Variants in TMEM168 observed in about 807,000 individuals in gnomAD.
TMEM168 encodes the protein transmembrane protein 168.
A neutral mutation model predicts 53.2 loss-of-function variants in TMEM168; 40 were observed. That is an observed-to-expected ratio of 0.75 (90% CI 0.58 to 0.98). The LOEUF is 0.98. Ranked by LOEUF, TMEM168 falls within the 50% of genes least tolerant of loss-of-function variation. The pLI is 0.00. For synonymous variants in TMEM168, 282 were observed against 293.0 expected (o/e 0.96, Z 0.38); for missense variants, 771 against 828.8 (o/e 0.93, Z 0.86).
intron 2 of TMEM168, among the ~76,000 whole-genome samples, chr7:112,777,721 T>A (rs1292567593): frequency 6.6e-6 from 1 of 152,188 alleles, no homozygotes; most frequent in Non-Finnish European, 1.5e-5. Flanking sequence ...TAGTTCTTTG[T>A]AAAATCTGCC....
chr7:112,776,226 C>G (rs924871646), intron 2 of TMEM168, among the ~76,000 whole-genome samples: 1 of 148,124 alleles, frequency 6.8e-6, no homozygotes, highest in African/African-American at 2.5e-5. Context: ...GATGTGCAAT[C>G]AAAATTTAAC....
At chr7:112,787,357 T>C (rs1793410327) in intron 1 of TMEM168, among the ~76,000 whole-genome samples, 1 of 149,482 alleles carries the variant, frequency 6.7e-6, no homozygotes, top group Non-Finnish European at 1.5e-5. Context: ...TACTTTTCAC[T>C]CAGTATCCTG....
rs1285217711 is a variant in TMEM168 at position 112,790,381 on chromosome 7, C to T, written c.-350G>A. 6.6e-6 allele frequency: 1 copy of T among 152,426 alleles called. No individual in the cohort carries two copies. Among genetic ancestry groups the T allele is most frequent in the South Asian group, 2.1e-4 (1 of 4,836 alleles). 9.4% of individuals were successfully genotyped at this position (152,426 alleles called of 1,614,324 possible). A position where few individuals can be genotyped will look rare whatever the true frequency, so the allele number is the denominator to read the frequency against. ...CCGGCCGCGACCGCCATGTTTCCGCCGCCGAAATCCGCGACGGTACGGAAC... is the reference window on the plus strand; with the variant it reads ...CCGGCCGCGACCGCCATGTTTCCGCTGCCGAAATCCGCGACGGTACGGAAC... On this transcript the variant is annotated 5_prime_UTR_variant, in exon 1 of 5. Transcript: ENST00000312814.
chr7:112,780,943 CAAAA>C (rs1222902089), intron 2 of TMEM168, among the ~76,000 whole-genome samples: 2 of 60,018 alleles, frequency 3.3e-5, no homozygotes, highest in East Asian at 6.5e-4. Flanking sequence ...TGATCCGTAT[CAAAA>C]AAAAAAAAAA....
chr7:112,776,144 A>C (rs758208215), intron 2 of TMEM168, among the ~76,000 whole-genome samples: 13 of 151,972 alleles, frequency 8.6e-5, no homozygotes, highest in Non-Finnish European at 1.5e-4. Context: ...AAGGAAATTT[A>C]AGACCCTAAA....
At chr7:112,769,703 T>C (rs1792881369) in intron 4 of TMEM168, among the ~76,000 whole-genome samples, 1 of 152,168 alleles carries the variant, frequency 6.6e-6, no homozygotes, top group African/African-American at 2.4e-5. Context: ...ATCTGATGCA[T>C]TTTAAGTAAT....
At position 112,784,517 on chromosome 7, in the gene TMEM168, A is replaced by C; in HGVS notation, c.309T>G (p.Leu103=). ...SLSNLWFGFL[L]GLLCFLDNSS... is the part of the protein sequence containing the mutation. Reference sequence around the variant, plus strand: ...AATTATCAAGAAAACATAGGAGGCCAAGCAAGAATCCAAACCAAAGATTGG... The same window carrying C: ...AATTATCAAGAAAACATAGGAGGCCCAGCAAGAATCCAAACCAAAGATTGG... Residue 103 remains leucine, a synonymous_variant, in exon 2 of 5, where the codon CTT becomes CTG. Transcript: ENST00000312814. 6.2e-7 allele frequency: 1 copy of C among 1,614,172 alleles called. No individual in the cohort carries two copies. The highest frequency in any genetic ancestry group is 8.5e-7 in the Non-Finnish European group (1 of 1,180,010).
chr7:112,782,591 A>G (rs1793261019), intron 2 of TMEM168, among the ~76,000 whole-genome samples: 1 of 152,180 alleles, frequency 6.6e-6, no homozygotes, highest in Non-Finnish European at 1.5e-5. Context: ...GGCCACACCC[A>G]AGATGTTTTC....
chr7:112,787,808 C>T (rs1793432842), intron 1 of TMEM168, among the ~76,000 whole-genome samples: 1 of 146,098 alleles, frequency 6.8e-6, no homozygotes, highest in Non-Finnish European at 1.5e-5. Flanking sequence ...TCTCGGCTCA[C>T]CGCAACCTCT....
chr7:112,772,976 T>A lies in TMEM168; in HGVS notation c.1351A>T (p.Ile451Phe). The A allele has an allele frequency of 6.2e-7, 1 of 1,614,074 alleles. No individual in the cohort carries two copies. The highest frequency in any genetic ancestry group is 8.5e-7 in the Non-Finnish European group (1 of 1,179,948). The change falls in exon 4 of 5, where the codon ATC becomes TTC. Residue 451 changes from isoleucine (I) to phenylalanine (F), a missense_variant. Ile to Phe is a conservative substitution (Grantham distance 21, BLOSUM62 0). Transcript: ENST00000312814. Reference sequence around the variant, plus strand: ...ATATGATATGCAAAAAATCTTTGGATAGCATTGAGCATGCCAGTAGACCTC... The same window carrying A: ...ATATGATATGCAAAAAATCTTTGGAAAGCATTGAGCATGCCAGTAGACCTC... Reference protein sequence around the residue: ...NLRSTGMLNAIQRFFAYHMIE... With the variant: ...NLRSTGMLNAFQRFFAYHMIE...
At position 112,786,736 on chromosome 7, in the gene TMEM168, A is replaced by G. The variant is rs140782257; in HGVS notation, c.-128-1783T>C. ...TGCTGGACGGGGGGAAGAAATTCAC[A>G]TACTAGGCTAAATGGTGCCACTCTA... On this transcript the variant is annotated intron_variant, in intron 1 of 4. Coordinates refer to ENST00000312814, the MANE Select transcript of TMEM168 (RefSeq NM_022484.6). Among the ~76,000 whole-genome samples the G allele has an allele frequency of 5.6e-4, 85 of 152,316 alleles. 1 individual carries two copies. In the East Asian group the frequency reaches 0.014, roughly 26 times the overall value.
At position 112,765,170 on chromosome 7, in the gene TMEM168, T is replaced by C. The variant is rs1032400082; in HGVS notation, c.*2027A>G. 1.3e-5 allele frequency: 2 copies of C among 152,326 alleles called. No homozygotes were observed. Among genetic ancestry groups the C allele is most frequent in the Middle Eastern group, 3.4e-3 (1 of 294 alleles). The allele number at this position is 152,326 out of a possible 1,614,324, so 9.4% of individuals were successfully genotyped here. A position where few individuals can be genotyped will look rare whatever the true frequency, so the allele number is the denominator to read the frequency against. On this transcript the variant is annotated 3_prime_UTR_variant, in exon 5 of 5. Transcript: ENST00000312814. Reference sequence around the variant, plus strand: ...TGATACCATCCCAAAAAGTCATTTATTGTTTTTTGTTTGTTTGGGTAGGAG... The same window carrying C: ...TGATACCATCCCAAAAAGTCATTTACTGTTTTTTGTTTGTTTGGGTAGGAG...
At chr7:112,773,145 A>G in intron 3 of TMEM168, 90 bp from the exon 4 acceptor site, 1 of 1,356,154 alleles carries the variant, frequency 7.4e-7, no homozygotes, top group Admixed American at 2.5e-5. Context: ...CAGTTATAAT[A>G]TAGTTGCTGC....
At position 112,766,211 on chromosome 7, in the gene TMEM168, G is replaced by A. The variant is rs1335889991; in HGVS notation, c.*986C>T. 1 of 152,272 alleles carries A rather than the reference G, an allele frequency of 6.6e-6. No homozygotes were observed. The highest frequency in any genetic ancestry group is 1.5e-5 in the Non-Finnish European group (1 of 67,994). 9.4% of individuals were successfully genotyped at this position (152,272 alleles called of 1,614,324 possible). On this transcript the variant is annotated 3_prime_UTR_variant, in exon 5 of 5. Coordinates refer to ENST00000312814, the MANE Select transcript of TMEM168 (RefSeq NM_022484.6). ...TACTTTTTTACAGAATACATTACAT[G>A]TATACCAGAAGAGAAATACTTGTTT...
chr7:112,787,913 G>T (rs1006141116), intron 1 of TMEM168, among the ~76,000 whole-genome samples: 18 of 151,092 alleles, frequency 1.2e-4, no homozygotes, highest in Non-Finnish European at 2.7e-4. Flanking sequence ...TGTATTTTTA[G>T]TAGAGATGGG....
At chr7:112,778,721 T>C (rs1433845240) in intron 2 of TMEM168, 2 of 152,198 alleles carry the variant, frequency 1.3e-5, no homozygotes. Context: ...ATTAAAATGT[T>C]AATTGATAGT....
intron 1 of TMEM168, among the ~76,000 whole-genome samples, chr7:112,787,599 G>C (rs1793418952): frequency 6.6e-6 from 1 of 151,636 alleles, no homozygotes; most frequent in East Asian, 2.0e-4. Flanking sequence ...ATTTTTAGTA[G>C]AGACGGGGTT....
In TMEM168 at chr7:112,784,575, T is replaced by C. The variant is rs765412484; in HGVS notation, c.251A>G (p.Tyr84Cys). Residue 84 changes from tyrosine (Y) to cysteine (C), a missense_variant, in exon 2 of 5, where the codon TAT becomes TGT. Transcript: ENST00000312814. ...TAAACTTGCTGCTTCCATTGAAAAA[T>C]AGTAATAGAGTATGCTGGCGATTCC... ...VLGIASILYYYFSMEAASLSL... is the reference protein window; with the variant it reads ...VLGIASILYYCFSMEAASLSL... 13 of 1,613,828 alleles carry C rather than the reference T, an allele frequency of 8.1e-6. No homozygotes were observed. Among genetic ancestry groups the C allele is most frequent in the African/African-American group, 2.7e-5 (2 of 74,968 alleles).
intron 3 of TMEM168, among the ~76,000 whole-genome samples, chr7:112,774,159 A>G (rs1793006464): frequency 6.6e-6 from 1 of 152,212 alleles, no homozygotes; most frequent in African/African-American, 2.4e-5. Flanking sequence ...ATTTATGGCA[A>G]AGAATTATTT....
Sources: allele counts gnomAD v4.1 joint callset (sites outside exome capture counted in the v4.1 genomes callset), GRCh38; gene constraint gnomAD v4.1.1; transcripts MANE v1.5; gene names NCBI Gene and HGNC (gene_info 2026-07-23, HGNC 2026-07-21).